The following EDARADD variants were observed in gnomAD, a reference collection of about 807,000 sequenced individuals.
EDARADD encodes the protein EDAR associated via death domain.
EDARADD carries 20 observed loss-of-function variants against 25.6 expected under a neutral mutation model. The observed-to-expected ratio is 0.78, with a 90% CI of 0.55 to 1.14. The LOEUF (loss-of-function observed/expected upper bound fraction) is 1.14. EDARADD is among the 50% of genes most tolerant of loss of function. The pLI is 0.00. For missense variants in EDARADD, 225 were observed against 270.1 expected (o/e 0.83, Z 1.17); for synonymous variants, 86 against 94.4 (o/e 0.91, Z 0.52).
At chr1:236,383,227 T>G (rs1219697728) in intron 3 of EDARADD, among the ~76,000 whole-genome samples, 1 of 151,904 alleles carries the variant, frequency 6.6e-6, no homozygotes, top group Non-Finnish European at 1.5e-5. Context: ...AAACCCTGTC[T>G]CCACTAAAAA....
intron 5 of EDARADD, among the ~76,000 whole-genome samples, chr1:236,475,964 G>A (rs12758738): frequency 0.16 from 24,211 of 152,088 alleles, 2,345 homozygotes; most frequent in Middle Eastern, 0.24. Flanking sequence ...GCCAAGGCGG[G>A]TGGATCACCT....
At chr1:236,425,114 G>A (rs1657881275) in intron 3 of EDARADD, among the ~76,000 whole-genome samples, 1 of 152,178 alleles carries the variant, frequency 6.6e-6, no homozygotes, top group Admixed American at 6.5e-5. Flanking sequence ...CCAGCCAGGT[G>A]GTTTTGTCTG....
intron 4 of EDARADD, among the ~76,000 whole-genome samples, chr1:236,460,855 C>T (rs1227410168): frequency 1.3e-5 from 2 of 151,476 alleles, no homozygotes; most frequent in South Asian, 2.1e-4. Context: ...CGTAGTCTTG[C>T]TCTGTCACCC....
At chr1:236,355,303 A>G (rs903340046) in intron 3 of EDARADD, among the ~76,000 whole-genome samples, 6 of 151,952 alleles carry the variant, frequency 3.9e-5, no homozygotes, top group African/African-American at 1.4e-4. Context: ...ACTTTCACTC[A>G]TTCCATCACT....
intron 4 of EDARADD, among the ~76,000 whole-genome samples, chr1:236,444,493 C>T (rs1281643953): frequency 6.6e-6 from 1 of 152,286 alleles, no homozygotes; most frequent in East Asian, 1.9e-4. Flanking sequence ...ACAATTTCGG[C>T]TCACTGCAAC....
intron 3 of EDARADD, among the ~76,000 whole-genome samples, chr1:236,367,534 T>A (rs1295161627): frequency 6.6e-6 from 1 of 152,102 alleles, no homozygotes; most frequent in African/African-American, 2.4e-5. Context: ...CAGCCCATTT[T>A]ATTTCATTTT....
intron 4 of EDARADD, among the ~76,000 whole-genome samples, chr1:236,436,554 G>A (rs1189479106): frequency 6.6e-6 from 1 of 150,844 alleles, no homozygotes; most frequent in Non-Finnish European, 1.5e-5. Flanking sequence ...TTGAGCCTGG[G>A]AGGTTGAGGC....
chr1:236,386,915 G>C (rs1572120235), intron 3 of EDARADD, among the ~76,000 whole-genome samples: 2 of 77,582 alleles, frequency 2.6e-5, no homozygotes, highest in African/African-American at 8.7e-5. Context: ...CGTCCGGGAG[G>C]GAGGTGGGGG....
At chr1:236,384,875 T>G (rs978329092) in intron 3 of EDARADD, among the ~76,000 whole-genome samples, 2 of 152,268 alleles carry the variant, frequency 1.3e-5, no homozygotes, top group East Asian at 1.9e-4. Flanking sequence ...TTGTTTACAC[T>G]TATATTGAAT....
intron 3 of EDARADD, among the ~76,000 whole-genome samples, chr1:236,362,268 T>C (rs667325): frequency 0.88 from 134,523 of 152,224 alleles, 59,793 homozygotes; most frequent in Non-Finnish European, 0.93. Flanking sequence ...GGCATCTTGT[T>C]GTGGCTTTAA....
At chr1:236,457,885 A>T (rs1242204144) in intron 4 of EDARADD, among the ~76,000 whole-genome samples, 1 of 151,972 alleles carries the variant, frequency 6.6e-6, no homozygotes, top group Non-Finnish European at 1.5e-5. Context: ...AGCACTTAGT[A>T]GTTATTTCCC....
chr1:236,395,523 G>T lies in EDARADD; in HGVS notation c.61+1018G>T. The T allele has an allele frequency of 6.5e-7, 1 of 1,534,648 alleles. No individual in the cohort carries two copies. On this transcript the variant is annotated intron_variant, in intron 1 of 5. Transcript: ENST00000334232. This position sits in a 1 kb window ranked among gnomAD's most constrained non-coding sequence, Gnocchi z 6.9. ...CGCGCAGAGCCACGGTTTGCTCCAGGCGCGTCGGAACCGCAGGACTTTTCA... is the reference window on the plus strand; with the variant it reads ...CGCGCAGAGCCACGGTTTGCTCCAGTCGCGTCGGAACCGCAGGACTTTTCA...
intron 4 of EDARADD, among the ~76,000 whole-genome samples, chr1:236,456,415 G>A (rs146917824): frequency 6.6e-6 from 1 of 152,314 alleles, no homozygotes; most frequent in African/African-American, 2.4e-5. Flanking sequence ...GGAGAACTTG[G>A]CTGGTGCCTT....
intron 3 of EDARADD, among the ~76,000 whole-genome samples, chr1:236,382,903 A>G (rs1340666837): frequency 6.6e-6 from 1 of 152,162 alleles, no homozygotes; most frequent in Non-Finnish European, 1.5e-5. Context: ...GCGCTGATCA[A>G]TAAGTGTTCT....
intron 4 of EDARADD, among the ~76,000 whole-genome samples, chr1:236,430,498 T>C (rs1422691110): frequency 6.6e-6 from 1 of 152,230 alleles, no homozygotes; most frequent in Admixed American, 6.5e-5. Flanking sequence ...TTCAGTGTTA[T>C]AATTTTGGCT....
chr1:236,391,883 C>T (rs1667430620), upstream of EDARADD, among the ~76,000 whole-genome samples: 1 of 152,148 alleles, frequency 6.6e-6, no homozygotes, highest in African/African-American at 2.4e-5. Context: ...GTTAAAGCCT[C>T]GGAATTTGCC....
chr1:236,446,826 A>G (rs1192924203), intron 4 of EDARADD, among the ~76,000 whole-genome samples: 2 of 152,210 alleles, frequency 1.3e-5, no homozygotes. Flanking sequence ...AAGGACAGAG[A>G]GGCTGTCCTG....
At chr1:236,363,006 A>AAAAAAAAATAT (rs1377112051) in intron 3 of EDARADD, among the ~76,000 whole-genome samples, 12 of 42,944 alleles carry the variant, frequency 2.8e-4, no homozygotes, top group African/African-American at 1.2e-3. Context: ...AAAAAAAAAA[A>AAAAAAAAATAT]ATATATATAT....
chr1:236,413,061 A>G (rs600948), intron 2 of EDARADD, among the ~76,000 whole-genome samples: 3 of 152,136 alleles, frequency 2.0e-5, no homozygotes, highest in African/African-American at 7.2e-5. Context: ...ATGGGGTTTC[A>G]CCATGTTGGC....
Sources: gnomAD v4.1 joint callset for allele counts (sites outside exome capture counted in the v4.1 genomes callset) on GRCh38, gnomAD v4.1.1 for gene constraint, Gnocchi (gnomAD v3.1) non-coding constraint, MANE v1.5 for transcripts, NCBI Gene and HGNC (gene_info 2026-07-23, HGNC 2026-07-21) for gene names.